The following PYCR1 variants were observed in gnomAD, a reference collection of about 807,000 sequenced individuals.
PYCR1 encodes pyrroline-5-carboxylate reductase 1.
PYCR1 carries 19 observed loss-of-function variants against 22.9 expected under a neutral mutation model. That is an observed-to-expected ratio of 0.83 (90% CI 0.58 to 1.22). The LOEUF (loss-of-function observed/expected upper bound fraction) is 1.22, where lower values mean the gene tolerates loss of function less well. PYCR1 is among the 50% of genes most tolerant of loss of function. The pLI, the probability that PYCR1 is intolerant of heterozygous loss-of-function variation, is 0.00. For missense variants in PYCR1, 429 were observed against 431.3 expected, an observed-to-expected ratio of 0.99 and a Z score of 0.05; for synonymous variants, 175 against 180.5, an observed-to-expected ratio of 0.97 and a Z score of 0.24.
intron 2 of PYCR1, 27 bp downstream of exon 2, chr17:81,936,096 T>G (rs753147640): frequency 1.2e-6 from 2 of 1,611,688 alleles, no homozygotes; most frequent in South Asian, 1.1e-5. Context: ...GGACTCAGTC[T>G]CCTTTCTCCC....
rs2143908543 is a variant in PYCR1, at chr17:81,937,112, G to A, written c.-298C>T. ...ATGACTGGGAAGGGGGAAAAGTACG[G>A]GGAGAGGGAGGGCCCGGCGCCTAGG... On this transcript the variant is annotated 5_prime_UTR_variant, in exon 1 of 7. Coordinates refer to ENST00000329875, the MANE Select transcript of PYCR1 (RefSeq NM_006907.4). 6 of 1,431,258 alleles carry A rather than the reference G, an allele frequency of 4.2e-6. No homozygotes were observed. Among genetic ancestry groups the A allele is most frequent in the Non-Finnish European group, 5.5e-6 (6 of 1,096,204 alleles). 88.7% of individuals were successfully genotyped at this position (1,431,258 alleles called of 1,614,324 possible).
At chr17:81,935,751 C>T (rs188298603) in intron 2 of PYCR1, among the ~76,000 whole-genome samples, 1 of 152,314 alleles carries the variant, frequency 6.6e-6, no homozygotes, top group Admixed American at 6.5e-5. Flanking sequence ...TCCATGCCAC[C>T]AATCTGCCCC....
At position 81,932,714 on chromosome 17, in the gene PYCR1, A is replaced by C; in HGVS notation, c.*500T>G. On this transcript the variant is annotated 3_prime_UTR_variant, in exon 7 of 7. Transcript: ENST00000329875. ...GGGATCTGCGTGCTTGGCAGCCAAG[A>C]GGGGCTGTGGCCCTTCACGCTGGAC... The C allele has an allele frequency of 2.0e-6, 2 of 991,160 alleles. No homozygotes were observed. The highest frequency in any genetic ancestry group is 3.0e-6 in the Non-Finnish European group (2 of 670,902). 61.4% of individuals were successfully genotyped at this position (991,160 alleles called of 1,614,324 possible). A position where few individuals can be genotyped will look rare whatever the true frequency, so the allele number is the denominator to read the frequency against.
At chr17:81,934,573 C>T (rs918047290) in intron 5 of PYCR1, 80 bp downstream of exon 5, 38 of 1,552,852 alleles carry the variant, frequency 2.4e-5, no homozygotes, top group South Asian at 3.6e-5. Context: ...CACACACTGA[C>T]GCCCCACTTG....
rs770505872 is a variant in PYCR1, at chr17:81,934,401, G to T, written c.722C>A (p.Ala241Asp). The T allele has an allele frequency of 6.2e-7, 1 of 1,612,518 alleles. No individual in the cohort carries two copies. The highest frequency in any genetic ancestry group is 8.5e-7 in the Non-Finnish European group (1 of 1,179,842). ...VSSPGGATIH[A>D]LHVLESGGFR... ...GCCCCCACTCTCCAGCACATGCAAG[G>T]CATGGATGGTGGCCCCACCAGGAGA... is the stretch of plus-strand genomic sequence containing the variant. The change falls in exon 6 of 7, where the codon GCC becomes GAC. Residue 241 changes from alanine to aspartate, a missense_variant. By Grantham distance (126) the Ala-to-Asp change is moderately radical (BLOSUM62 -2). Coordinates refer to ENST00000329875, the MANE Select transcript of PYCR1 (RefSeq NM_006907.4).
Position 81,937,259 on chromosome 17 carries a change from C to A in PYCR1, c.-445G>T. On this transcript the variant is annotated 5_prime_UTR_variant, in exon 1 of 7. Coordinates refer to ENST00000329875, the MANE Select transcript of PYCR1 (RefSeq NM_006907.4). ...CCAGCTACCGTGCGCGGGTCGTACC[C>A]ACCCCTCAGCGCTGCGGCCGCCACG... 1.5e-6 allele frequency: 2 copies of A among 1,310,774 alleles called. No homozygotes were observed. Among genetic ancestry groups the A allele is most frequent in the East Asian group, 6.2e-5 (2 of 32,250 alleles). 81.2% of individuals were successfully genotyped at this position (1,310,774 alleles called of 1,614,324 possible).
At chr17:81,936,478 G>C in intron 1 of PYCR1, among the ~76,000 whole-genome samples, 1 of 152,166 alleles carries the variant, frequency 6.6e-6, no homozygotes, top group South Asian at 2.1e-4. Flanking sequence ...GCCCGCCTCG[G>C]CCTCCCAAAG....
chr17:81,936,010 C>A, intron 2 of PYCR1, 113 bp downstream of exon 2: 1 of 1,260,204 alleles, frequency 7.9e-7, no homozygotes, highest in South Asian at 1.2e-5. Flanking sequence ...TCCATGAGAC[C>A]CCAGCCCAGG....
chr17:81,936,045 G>T, intron 2 of PYCR1, 78 bp downstream of exon 2: 1 of 1,516,744 alleles, frequency 6.6e-7, no homozygotes, highest in Non-Finnish European at 9.1e-7. Flanking sequence ...TGGGGTGGGG[G>T]CTACAGCACA....
chr17:81,934,776 C>T, intron 4 of PYCR1, 31 bp from the exon 5 acceptor site: 2 of 1,542,490 alleles, frequency 1.3e-6, no homozygotes, highest in Non-Finnish European at 1.8e-6. Context: ...GAGCCTCTCT[C>T]CTGGGCTTCT....
chr17:81,937,146 G>GTCTGGGGTCCCCCA lies in PYCR1; in HGVS notation c.-333_-332insTGGGGGACCCCAGA. On this transcript the variant is annotated 5_prime_UTR_variant, in exon 1 of 7. In the 5' UTR this introduces an upstream ATG that the reference lacks. Transcript: ENST00000329875. Reference sequence around the variant, plus strand: ...AGGGCCCGGCGCCTAGGGGTCCCCCGTCTGGGTTCCCACCCCGCCCAGAAC... The same window carrying GTCTGGGGTCCCCCA: ...AGGGCCCGGCGCCTAGGGGTCCCCCGTCTGGGGTCCCCCATCTGGGTTCCCACCCCGCCCAGAAC... 1 of 1,433,418 alleles carries GTCTGGGGTCCCCCA rather than the reference G, an allele frequency of 7.0e-7. No homozygotes were observed. Among genetic ancestry groups the GTCTGGGGTCCCCCA allele is most frequent in the Non-Finnish European group, 9.1e-7 (1 of 1,098,468 alleles). The allele number at this position is 1,433,418 out of a possible 1,614,324, so 88.8% of individuals were successfully genotyped here. A position where few individuals can be genotyped will look rare whatever the true frequency, so the allele number is the denominator to read the frequency against.
chr17:81,933,147 ACCCCCTAGT>A lies in PYCR1; in HGVS notation c.*58_*66del. ...CCACAGAAAGTGGGCCACTTTGGGG[ACCCCCTAGT>A]CCCCCTAGTGACAAGAGAAGAGAAG... On this transcript the variant is annotated 3_prime_UTR_variant, in exon 7 of 7. Coordinates refer to ENST00000329875, the MANE Select transcript of PYCR1 (RefSeq NM_006907.4). The A allele has an allele frequency of 6.2e-7, 1 of 1,608,366 alleles. No homozygotes were observed.
rs769895625 is a variant in PYCR1, at chr17:81,932,997, T to G, written c.*217A>C. On this transcript the variant is annotated 3_prime_UTR_variant, in exon 7 of 7. Coordinates refer to ENST00000329875, the MANE Select transcript of PYCR1 (RefSeq NM_006907.4). ...GTTTGGGAGCAGAGAAGAAAGGAGG[T>G]TGAGGTTGGGGAATCCACCCCTGTT... The G allele has an allele frequency of 1.9e-6, 3 of 1,598,978 alleles. No individual in the cohort carries two copies. The African/African-American group carries it at 4.0e-5, about 21-fold the overall frequency.
chr17:81,937,044 A>ACCT lies in PYCR1; in HGVS notation c.-231_-230insAGG. 2.8e-5 allele frequency: 40 copies of ACCT among 1,450,318 alleles called. No homozygotes were observed. Among genetic ancestry groups the ACCT allele is most frequent in the Non-Finnish European group, 3.6e-5 (40 of 1,103,476 alleles). 89.8% of individuals were successfully genotyped at this position (1,450,318 alleles called of 1,614,324 possible). The stretch of plus-strand genomic sequence containing the variant: ...AGCGGCGGTGCCTGGCCTGCTGCCT[A>ACCT]GGGTCCCGCACCCACTGGAGGGGTG... On this transcript the variant is annotated 5_prime_UTR_variant, in exon 1 of 7. Coordinates refer to ENST00000329875, the MANE Select transcript of PYCR1 (RefSeq NM_006907.4).
rs772766530 is a variant in PYCR1, at chr17:81,934,327, G to A, written c.796C>T (p.Arg266Trp). Residue 266 changes from arginine to tryptophan, a missense_variant and splice_region_variant, in exon 6 of 7, where the codon CGG becomes TGG. Transcript: ENST00000329875. ...NAVEASCIRTRELQSMADQEQ... is the reference protein window; with the variant it reads ...NAVEASCIRTWELQSMADQEQ... ...GAAGCGGGCAGCGCGGGGGCCCACCGTGTGCGGATGCAGGAGGCCTCCACA... is the reference window on the plus strand; with the variant it reads ...GAAGCGGGCAGCGCGGGGGCCCACCATGTGCGGATGCAGGAGGCCTCCACA... 2.2e-5 allele frequency: 36 copies of A among 1,612,682 alleles called. No individual in the cohort carries two copies. The highest frequency in any genetic ancestry group is 1.3e-4 in the East Asian group (6 of 44,888).
At chr17:81,934,568 A>G (rs1480445497) in intron 5 of PYCR1, 79 bp from the exon 6 acceptor site, 26 of 1,554,568 alleles carry the variant, frequency 1.7e-5, no homozygotes, top group Non-Finnish European at 2.2e-5. Context: ...TGTAGCACAC[A>G]CTGACGCCCC....
rs1360173589 is a variant in PYCR1 at position 81,935,530 on chromosome 17, A to G, written c.139-14T>C. Reference sequence around the variant, plus strand: ...CACCCCCATCTTCTGCAGGGGCAACAGGTGGGCTCAGCCTGGTCCCGTGGC... The same window carrying G: ...CACCCCCATCTTCTGCAGGGGCAACGGGTGGGCTCAGCCTGGTCCCGTGGC... On this transcript the variant is annotated splice_polypyrimidine_tract_variant and intron_variant, in intron 2 of 6. Transcript: ENST00000329875. 6.5e-7 allele frequency: 1 copy of G among 1,531,720 alleles called. No homozygotes were observed. The highest frequency in any genetic ancestry group is 8.8e-7 in the Non-Finnish European group (1 of 1,130,184). The allele number at this position is 1,531,720 out of a possible 1,614,324, so 94.9% of individuals were successfully genotyped here.
chr17:81,933,047 C>T lies in PYCR1; in HGVS notation c.*167G>A, dbSNP rs186676644. On this transcript the variant is annotated 3_prime_UTR_variant, in exon 7 of 7. Coordinates refer to ENST00000329875, the MANE Select transcript of PYCR1 (RefSeq NM_006907.4). Reference sequence around the variant, plus strand: ...TCTGGGCTGGGAAGCACTTGCAGACCACAGAGATTTCCAGTGGGAAGTGAT... The same window carrying T: ...TCTGGGCTGGGAAGCACTTGCAGACTACAGAGATTTCCAGTGGGAAGTGAT... The T allele has an allele frequency of 2.5e-4, 391 of 1,577,746 alleles. 1 individual carries two copies. In the African/African-American group the frequency reaches 4.7e-3, roughly 19 times the overall value.
chr17:81,933,447 C>G, intron 6 of PYCR1, 71 bp from the exon 7 acceptor site: 1 of 1,571,288 alleles, frequency 6.4e-7, no homozygotes, highest in Non-Finnish European at 8.7e-7. Flanking sequence ...AAGCCCACAG[C>G]TCCCAGTGCC....
Sources: gnomAD v4.1 joint callset for allele counts (sites outside exome capture counted in the v4.1 genomes callset) on GRCh38, gnomAD v4.1.1 for gene constraint, MANE v1.5 for transcripts, NCBI Gene and HGNC (gene_info 2026-07-23, HGNC 2026-07-21) for gene names.